The following NKPD1 variants were observed in gnomAD, a reference collection of about 807,000 sequenced individuals.
NKPD1 encodes NTPase KAP family P-loop domain containing 1, also known as NTPase KAP family P-loop domain-containing protein 1.
NKPD1 carries 37 observed loss-of-function variants against 42.2 expected under a neutral mutation model. The ratio of observed to expected loss-of-function variants is 0.88; its 90% CI spans 0.67 to 1.15. NKPD1 has a LOEUF of 1.15. Ranked by LOEUF, NKPD1 falls within the 50% of genes most tolerant of loss-of-function variation. The pLI is 0.00. For missense variants in NKPD1, 1,113 were observed against 1,174.6 expected (o/e 0.95, Z 0.77); for synonymous variants, 552 against 536.5 (o/e 1.03, Z -0.40).
chr19:45,162,493 A>G (rs1461779241), upstream of NKPD1, among the ~76,000 whole-genome samples: 1 of 152,158 alleles, frequency 6.6e-6, no homozygotes, highest in Non-Finnish European at 1.5e-5. Flanking sequence ...CAGATGCTAC[A>G]GATGCGAGCG....
At chr19:45,160,683 C>T (rs984125780) in intron 1 of NKPD1, among the ~76,000 whole-genome samples, 1 of 151,406 alleles carries the variant, frequency 6.6e-6, no homozygotes, top group Non-Finnish European at 1.5e-5. Flanking sequence ...TTGAATGATA[C>T]GGTGGAGGGG....
In NKPD1 at chr19:45,152,663, C is replaced by A. The variant is rs1316421898; in HGVS notation, c.1774G>T (p.Glu592Ter). 4 of 1,543,704 alleles carry A rather than the reference C, an allele frequency of 2.6e-6. No individual in the cohort carries two copies. Among genetic ancestry groups the A allele is most frequent in the South Asian group, 1.2e-5 (1 of 84,894 alleles). The change falls in exon 5 of 5, where the codon GAG (glutamate) becomes TAG (stop). Residue 592 changes from glutamate (E) to a stop codon, truncating the protein, a stop_gained. Coordinates refer to ENST00000686631, the MANE Select transcript of NKPD1 (RefSeq NM_198478.4). LOFTEE classifies it low-confidence loss of function (END_TRUNC). ...GCCTCCTGGATTCGCCGCGCCGCCT[C>A]GTCGTCGATGCGGCCCTGCCCGCGC... ...TERGQGRIDD[E>*]AARRIQEALF... is the part of the protein sequence containing the mutation.
Position 45,152,893 on chromosome 19 carries a change from C to T in NKPD1, c.1544G>A (p.Gly515Asp). Reference protein sequence around the residue: ...AGNMKGTADNGYLFLNRTVTL... With the variant: ...AGNMKGTADNDYLFLNRTVTL... The stretch of plus-strand genomic sequence containing the variant: ...GACAGTGCGGTTGAGGAAGAGGTAG[C>T]CGTTATCGGCCGTGCCCTTCATGTT... Residue 515 changes from glycine (G) to aspartate (D), a missense_variant, in exon 5 of 5, where the codon GGC (glycine) becomes GAC (aspartate). This residue lies in a region of NKPD1 where 867 missense variants were observed against 870.1 expected (regional missense o/e 1.00). Coordinates refer to ENST00000686631, the MANE Select transcript of NKPD1 (RefSeq NM_198478.4). 1.3e-6 allele frequency: 2 copies of T among 1,581,222 alleles called. No homozygotes were observed. Among genetic ancestry groups the T allele is most frequent in the South Asian group, 1.1e-5 (1 of 87,816 alleles).
chr19:45,155,386 G>A (rs893928767), intron 4 of NKPD1, among the ~76,000 whole-genome samples: 5 of 152,260 alleles, frequency 3.3e-5, no homozygotes, highest in Middle Eastern at 3.4e-3. Context: ...TATGTATCAG[G>A]TACTTTGTGA....
rs372621853 is a variant in NKPD1 at position 45,155,855 on chromosome 19, C to T, written c.591G>A (p.Pro197=). The T allele has an allele frequency of 7.2e-5, 94 of 1,305,324 alleles. No homozygotes were observed. The East Asian group carries it at 9.4e-4, about 13-fold the overall frequency. 80.9% of individuals were successfully genotyped at this position (1,305,324 alleles called of 1,614,324 possible). A position where few individuals can be genotyped will look rare whatever the true frequency, so the allele number is the denominator to read the frequency against. ...CATAGAAACCCACGGTCACAGGGAC[C>T]GGCACGTGGCAGAGTGTCTTGGCCA... ...SCLAKTLCHV[P]VPVTVGFYAP... The change falls in exon 4 of 5, where the codon CCG becomes CCA. Residue 197 remains proline (P), a synonymous_variant. Transcript: ENST00000686631.
chr19:45,159,121 G>C, intron 2 of NKPD1, 21 bp from the exon 3 acceptor site: 1 of 1,266,808 alleles, frequency 7.9e-7, no homozygotes, highest in Non-Finnish European at 1.0e-6. Flanking sequence ...GGAAGTGGGG[G>C]TGACTGGGCC....
rs746339622 is a variant in NKPD1 at position 45,153,524 on chromosome 19, G to A, written c.913C>T (p.Arg305Cys). ...GLVTTLCEGI[R>C]RHYGALPFSV... is the part of the protein sequence containing the mutation. ...AAGGGCAGTGCGCCATAGTGGCGGC[G>A]GATGCCCTCGCACAACGTGGTCACC... The change falls in exon 5 of 5, where the codon CGC becomes TGC. Residue 305 changes from arginine to cysteine, a missense_variant. By Grantham distance (180) the Arg-to-Cys change is radical (BLOSUM62 -3). Around this residue, in one of 3 missense-constraint regions of NKPD1, gnomAD observed 867 missense variants for 870.1 expected, o/e 1.00. Coordinates refer to ENST00000686631, the MANE Select transcript of NKPD1 (RefSeq NM_198478.4). 1.3e-6 allele frequency: 2 copies of A among 1,550,268 alleles called. No individual in the cohort carries two copies. The highest frequency in any genetic ancestry group is 1.4e-5 in the African/African-American group (1 of 73,906).
At chr19:45,156,832 T>C (rs1255575686) in intron 3 of NKPD1, among the ~76,000 whole-genome samples, 3 of 152,020 alleles carry the variant, frequency 2.0e-5, no homozygotes, top group African/African-American at 7.2e-5. Context: ...TGGTGGGCTG[T>C]AGGAAACGGG....
In NKPD1 at chr19:45,154,372, AAGGGC is replaced by A. The variant is rs1968862198; in HGVS notation, c.662-602_662-598del. On this transcript the variant is annotated intron_variant, in intron 4 of 4. Transcript: ENST00000686631. ...TCTCCCCTGCTGGACTGTGAGCCGG[AAGGGC>A]AGGGTCCTGCTTGTCTTGGTCACCG... Among the ~76,000 whole-genome samples, 3 of 152,306 alleles carry A rather than the reference AAGGGC, an allele frequency of 2.0e-5. No homozygotes were observed. The South Asian group carries it at 6.2e-4, about 32-fold the overall frequency.
intron 1 of NKPD1, 39 bp from the exon 2 acceptor site, chr19:45,160,260 TGCCCTGCCCGACAGCTTGGACAGG>T: frequency 1.9e-6 from 1 of 535,184 alleles, no homozygotes; most frequent in East Asian, 8.2e-5. Context: ...TCAGGGTCCC[TGCCCTGCCCGACAGCTTGGACAGG>T]GGAAAGGCCA....
intron 1 of NKPD1, 49 bp from the exon 2 acceptor site, chr19:45,160,270 G>A (rs1031337946): frequency 1.8e-5 from 8 of 442,794 alleles, no homozygotes; most frequent in Admixed American, 7.2e-5. Flanking sequence ...TGCCCTGCCC[G>A]ACAGCTTGGA....
rs745948720 is a variant in NKPD1, at chr19:45,152,541, G to A, written c.1896C>T (p.Thr632=). The change falls in exon 5 of 5, where the codon ACC becomes ACT. Residue 632 remains threonine (T), a synonymous_variant. Transcript: ENST00000686631. ...MRRIVNTVPI[T]VRLLQQQQQQ... ...GCTGCTGCTGCTGCAGCAGGCGCAC[G>A]GTGATGGGCACGGTGTTGACGATGC... The A allele has an allele frequency of 7.0e-6, 11 of 1,581,676 alleles. No individual in the cohort carries two copies. Among genetic ancestry groups the A allele is most frequent in the Admixed American group, 6.9e-5 (4 of 58,270 alleles).
chr19:45,152,373 C>G lies in NKPD1; in HGVS notation c.2064G>C (p.Ala688=), dbSNP rs560400013. 1.3e-6 allele frequency: 2 copies of G among 1,592,328 alleles called. No homozygotes were observed. The highest frequency in any genetic ancestry group is 1.7e-5 in the Admixed American group (1 of 57,946). Residue 688 remains alanine (A), a synonymous_variant, in exon 5 of 5, where the codon GCG becomes GCC. Transcript: ENST00000686631. ...TGTCGCGGAAAACGTCCCAGAGGCG[C>G]GCGCGGCCCTCGGGCGCGCCCCCGG... ...QQTGGAPEGR[A]RLWDVFRDNS...
At position 45,157,462 on chromosome 19, in the gene NKPD1, A is replaced by G. The variant is rs562931040; in HGVS notation, c.529+1201T>C. On this transcript the variant is annotated intron_variant, in intron 3 of 4. Transcript: ENST00000686631. ...GGTCTTGCTCTGTCACCCAGGCTGGAGTGCAGCGGCACAATTATAAGTCAC... is the reference window on the plus strand; with the variant it reads ...GGTCTTGCTCTGTCACCCAGGCTGGGGTGCAGCGGCACAATTATAAGTCAC... Among the ~76,000 whole-genome samples the G allele has an allele frequency of 5.9e-5, 9 of 152,324 alleles. No homozygotes were observed. In the East Asian group the frequency reaches 1.7e-3, roughly 29 times the overall value.
At chr19:45,162,232 T>C (rs923291196), upstream of NKPD1, among the ~76,000 whole-genome samples, 1 of 152,088 alleles carries the variant, frequency 6.6e-6, no homozygotes, top group Admixed American at 6.5e-5. Flanking sequence ...AGCAGGCGTT[T>C]GGGGAGTGGG....
chr19:45,161,852 G>A (rs1452128976), upstream of NKPD1, among the ~76,000 whole-genome samples: 1 of 152,182 alleles, frequency 6.6e-6, no homozygotes, highest in Non-Finnish European at 1.5e-5. Context: ...GGGGTGCTCC[G>A]ATGGGGATGG....
chr19:45,155,346 G>A (rs576913970), intron 4 of NKPD1, among the ~76,000 whole-genome samples: 11 of 152,016 alleles, frequency 7.2e-5, no homozygotes, highest in Admixed American at 2.0e-4. Context: ...GGAACCTGGC[G>A]GGTTGCAGTT....
In NKPD1 at chr19:45,149,811, C is replaced by T. The variant is rs927765959; in HGVS notation, c.*2127G>A. 1 of 152,152 alleles carries T rather than the reference C, an allele frequency of 6.6e-6. No homozygotes were observed. Among genetic ancestry groups the T allele is most frequent in the Non-Finnish European group, 1.5e-5 (1 of 68,040 alleles). 9.4% of individuals were successfully genotyped at this position (152,152 alleles called of 1,614,324 possible). A position where few individuals can be genotyped will look rare whatever the true frequency, so the allele number is the denominator to read the frequency against. On this transcript the variant is annotated 3_prime_UTR_variant, in exon 5 of 5. Transcript: ENST00000686631. ...GTTCAGAGTGGCAGGCAGCTCTTCA[C>T]CAAGTTATTCCTGGACCCAGGCCCC...
chr19:45,157,118 G>A (rs916191834), intron 3 of NKPD1, among the ~76,000 whole-genome samples: 1 of 152,222 alleles, frequency 6.6e-6, no homozygotes, highest in Non-Finnish European at 1.5e-5. Flanking sequence ...CAAGGCTGCC[G>A]CACCTCTCGC....
Sources: gnomAD v4.1 joint callset for allele counts (sites outside exome capture counted in the v4.1 genomes callset) on GRCh38, gnomAD v4.1.1 for gene constraint, gnomAD v4.1.1 regional missense constraint, MANE v1.5 for transcripts, NCBI Gene and HGNC (gene_info 2026-07-23, HGNC 2026-07-21) for gene names.